PPARGC1A: variants seen among roughly 807,000 people sequenced by gnomAD.
PPARGC1A encodes peroxisome proliferator-activated receptor gamma coactivator 1-alpha.
A neutral mutation model predicts 88.7 loss-of-function variants in PPARGC1A; 25 were observed. The observed-to-expected ratio is 0.28, with a 90% CI of 0.21 to 0.39. The LOEUF is 0.39. Ranked by LOEUF, PPARGC1A falls within the 10% of genes least tolerant of loss-of-function variation. The pLI is 1.00. For synonymous variants in PPARGC1A, 363 were observed against 355.6 expected (o/e 1.02, Z -0.24); for missense variants, 880 against 968.7 (o/e 0.91, Z 1.22).
chr4:24,022,924 C>T, the PPARGC1A span, among the ~76,000 whole-genome samples: 1 of 152,142 alleles, frequency 6.6e-6, no homozygotes, highest in Non-Finnish European at 1.5e-5. Flanking sequence ...AGCAACTGTA[C>T]TTGAAATTGG....
At chr4:24,360,775 T>G in the PPARGC1A span, among the ~76,000 whole-genome samples, 1 of 152,188 alleles carries the variant, frequency 6.6e-6, no homozygotes, top group Admixed American at 6.5e-5. Flanking sequence ...AACCCATAGG[T>G]AATGCAATGC....
At chr4:24,440,874 A>G in the PPARGC1A span, among the ~76,000 whole-genome samples, 33 of 152,132 alleles carry the variant, frequency 2.2e-4, no homozygotes, top group Middle Eastern at 3.2e-3. Context: ...AGGAAATTTC[A>G]TACACACACA....
chr4:24,240,058 A>G, the PPARGC1A span, among the ~76,000 whole-genome samples: 1 of 152,202 alleles, frequency 6.6e-6, no homozygotes, highest in Non-Finnish European at 1.5e-5. Flanking sequence ...CTCTATGTCA[A>G]AAATGCTTTG....
At chr4:24,103,289 C>A in the PPARGC1A span, among the ~76,000 whole-genome samples, 1 of 152,188 alleles carries the variant, frequency 6.6e-6, no homozygotes, top group Non-Finnish European at 1.5e-5. Flanking sequence ...TCAATCAGCT[C>A]CTCAACAAAA....
At chr4:24,025,965 T>C in the PPARGC1A span, among the ~76,000 whole-genome samples, 2 of 152,216 alleles carry the variant, frequency 1.3e-5, no homozygotes, top group African/African-American at 4.8e-5. Flanking sequence ...TAAATCTGTG[T>C]TTGTAAATGT....
chr4:24,204,771 A>T, the PPARGC1A span, among the ~76,000 whole-genome samples: 1 of 152,028 alleles, frequency 6.6e-6, no homozygotes, highest in African/African-American at 2.4e-5. Flanking sequence ...TCCTGTTGAG[A>T]TAGGGGGCCT....
the PPARGC1A span, among the ~76,000 whole-genome samples, chr4:24,470,535 T>C: frequency 6.6e-6 from 1 of 152,024 alleles, no homozygotes; most frequent in East Asian, 1.9e-4. This position sits in a 1 kb window ranked among gnomAD's most constrained non-coding sequence, Gnocchi z 5.8. Context: ...ATCGTGCTTC[T>C]CCAGGCCCCC....
At chr4:24,134,094 C>T in the PPARGC1A span, among the ~76,000 whole-genome samples, 2 of 152,174 alleles carry the variant, frequency 1.3e-5, no homozygotes, top group African/African-American at 2.4e-5. Flanking sequence ...GACTCCCAAA[C>T]ACATAAAAGG....
the PPARGC1A span, among the ~76,000 whole-genome samples, chr4:24,308,297 A>G: frequency 0.033 from 4,454 of 135,566 alleles, 248 homozygotes; most frequent in African/African-American, 0.12. Flanking sequence ...GCCACCGAAA[A>G]AAAAAAAAAA....
At chr4:24,315,438 C>T in the PPARGC1A span, among the ~76,000 whole-genome samples, 2 of 152,138 alleles carry the variant, frequency 1.3e-5, no homozygotes, top group African/African-American at 4.8e-5. Context: ...GCGTTAGGTG[C>T]CAAACATCTT....
chr4:24,324,293 G>A, the PPARGC1A span, among the ~76,000 whole-genome samples: 8 of 151,874 alleles, frequency 5.3e-5, no homozygotes, highest in African/African-American at 7.3e-5. Flanking sequence ...TTCACCCTTA[G>A]CGGCAAGTCC....
chr4:24,183,344 C>G, the PPARGC1A span, among the ~76,000 whole-genome samples: 1 of 152,174 alleles, frequency 6.6e-6, no homozygotes, highest in South Asian at 2.1e-4. Flanking sequence ...CACAATCACT[C>G]TAGTTACAAG....
the PPARGC1A span, among the ~76,000 whole-genome samples, chr4:23,967,616 G>A: frequency 1.3e-5 from 2 of 152,168 alleles, no homozygotes; most frequent in Admixed American, 1.3e-4. Context: ...CTTTCCTAAA[G>A]AAGCTTCTAA....
intron 2 of PPARGC1A, among the ~76,000 whole-genome samples, chr4:23,841,655 T>C (rs904880696): frequency 1.3e-5 from 2 of 152,052 alleles, no homozygotes; most frequent in Non-Finnish European, 2.9e-5. Flanking sequence ...GGAGCCATTT[T>C]AAAATACTCA....
At chr4:23,858,800 C>T (rs1165033142) in intron 2 of PPARGC1A, among the ~76,000 whole-genome samples, 3 of 152,040 alleles carry the variant, frequency 2.0e-5, no homozygotes, top group East Asian at 1.9e-4. Context: ...TTCCATACTG[C>T]AGAACATTTG....
the PPARGC1A span, among the ~76,000 whole-genome samples, chr4:24,362,822 G>A: frequency 2.6e-5 from 4 of 152,302 alleles, no homozygotes; most frequent in Non-Finnish European, 4.4e-5. Flanking sequence ...GAAGGACCAA[G>A]AGCATATGAA....
chr4:24,179,013 C>T, the PPARGC1A span, among the ~76,000 whole-genome samples: 3 of 151,956 alleles, frequency 2.0e-5, no homozygotes, highest in Non-Finnish European at 2.9e-5. Flanking sequence ...AGAGCCACTG[C>T]TGTTTATGGG....
At chr4:23,889,757 G>C in intron 1 of PPARGC1A, 147 bp downstream of exon 1, 2 of 940,598 alleles carry the variant, frequency 2.1e-6, no homozygotes, top group East Asian at 5.3e-5. Flanking sequence ...TTGGAGTTAA[G>C]ATAAGATTGA....
chr4:23,949,728 C>G, the PPARGC1A span, among the ~76,000 whole-genome samples: 1 of 152,076 alleles, frequency 6.6e-6, no homozygotes, highest in East Asian at 1.9e-4. Flanking sequence ...AATGACACAG[C>G]CTGATGTGAA....
Sources: allele counts gnomAD v4.1 joint callset (sites outside exome capture counted in the v4.1 genomes callset), GRCh38; gene constraint gnomAD v4.1.1; non-coding constraint Gnocchi (gnomAD v3.1); transcripts MANE v1.5; gene names NCBI Gene and HGNC (gene_info 2026-07-23, HGNC 2026-07-21).